COL5A2: variants seen among roughly 807,000 people sequenced by gnomAD.
The protein encoded by COL5A2 is collagen alpha-2(V) chain.
A neutral mutation model predicts 208.2 loss-of-function variants in COL5A2; 23 were observed. The observed-to-expected ratio is 0.11, with a 90% CI of 0.08 to 0.16. The LOEUF is 0.16. COL5A2 is among the 10% of genes least tolerant of loss of function. COL5A2 has a pLI of 1.00. For missense variants in COL5A2, 1,590 were observed against 1,956.4 expected (o/e 0.81, Z 3.53); for synonymous variants, 625 against 628.5 (o/e 0.99, Z 0.08).
chr2:189,296,076 C>T, the COL5A2 span, among the ~76,000 whole-genome samples: 1 of 152,014 alleles, frequency 6.6e-6, no homozygotes, highest in Non-Finnish European at 1.5e-5. Context: ...TCTTCTGAGC[C>T]TCTAATTACA....
the COL5A2 span, among the ~76,000 whole-genome samples, chr2:189,308,384 A>G: frequency 1.4e-4 from 22 of 152,252 alleles, no homozygotes; most frequent in Admixed American, 3.9e-4. Context: ...CTAATATAGC[A>G]TCACATAACA....
At chr2:189,327,552 G>A in the COL5A2 span, among the ~76,000 whole-genome samples, 92 of 152,236 alleles carry the variant, frequency 6.0e-4, 4 homozygotes, top group South Asian at 0.018. Flanking sequence ...AGATATGTGC[G>A]AAATCAATGG....
the COL5A2 span, among the ~76,000 whole-genome samples, chr2:189,240,069 A>G: frequency 6.6e-6 from 1 of 152,200 alleles, no homozygotes; most frequent in Non-Finnish European, 1.5e-5. Flanking sequence ...ACCAAAAACC[A>G]AACAAGTCAA....
chr2:189,369,960 T>C, the COL5A2 span, among the ~76,000 whole-genome samples: 25 of 152,310 alleles, frequency 1.6e-4, no homozygotes, highest in African/African-American at 6.0e-4. Context: ...ATAAATTTAT[T>C]GGGCAGGTAA....
At chr2:189,289,240 G>C in the COL5A2 span, among the ~76,000 whole-genome samples, 1 of 151,456 alleles carries the variant, frequency 6.6e-6, no homozygotes. Context: ...TACTCAGGAG[G>C]CTGAGGCAGA....
the COL5A2 span, among the ~76,000 whole-genome samples, chr2:189,375,718 TA>T: frequency 2.6e-5 from 4 of 152,166 alleles, no homozygotes; most frequent in African/African-American, 9.7e-5. Flanking sequence ...TAATAAGAAA[TA>T]CAACTTAATA....
At chr2:189,097,207 T>C (rs1254526589) in intron 6 of COL5A2, 70 bp downstream of exon 6, 23 of 1,456,568 alleles carry the variant, frequency 1.6e-5, no homozygotes, top group African/African-American at 2.8e-5. Flanking sequence ...AGCTTCTTGC[T>C]GCATTCAGAG....
chr2:189,114,303 A>T (rs1687343776), intron 1 of COL5A2, among the ~76,000 whole-genome samples: 1 of 152,242 alleles, frequency 6.6e-6, no homozygotes, highest in Non-Finnish European at 1.5e-5. Context: ...AACAGTGGGT[A>T]GAAAATACAG....
chr2:189,033,261 GAA>G lies in COL5A2; in HGVS notation c.*807_*808del, dbSNP rs952212695. 1.3e-5 allele frequency: 2 copies of G among 152,496 alleles called. No individual in the cohort carries two copies. The highest frequency in any genetic ancestry group is 2.9e-5 in the Non-Finnish European group (2 of 68,004). The allele number at this position is 152,496 out of a possible 1,614,324, so 9.4% of individuals were successfully genotyped here. A position where few individuals can be genotyped will look rare whatever the true frequency, so the allele number is the denominator to read the frequency against. ...TTGCATTCAATATCTTCTTAAATAA[GAA>G]AGTGTAAATGTATTAAATGGTATAT... On this transcript the variant is annotated 3_prime_UTR_variant, in exon 54 of 54. Transcript: ENST00000374866.
the COL5A2 span, among the ~76,000 whole-genome samples, chr2:189,312,815 A>G: frequency 6.6e-6 from 1 of 152,034 alleles, no homozygotes; most frequent in African/African-American, 2.4e-5. Flanking sequence ...TAGGGACTAG[A>G]AAAGACTCTC....
intron 1 of COL5A2, among the ~76,000 whole-genome samples, chr2:189,210,407 A>G (rs1309916122): frequency 6.7e-6 from 1 of 149,148 alleles, no homozygotes; most frequent in Non-Finnish European, 1.5e-5. Context: ...TCACTTGATT[A>G]AAATATTTTA....
chr2:189,064,615 G>T lies in COL5A2; in HGVS notation c.1658C>A (p.Pro553His), dbSNP rs149203102. ...TCCTGGATCCCCCTGGCTTCCTTTG[G>T]GTCCTGAAGAACCTACAGGACCCCG... ...GERGPVGSSG[P>H]KGSQGDPGRP... The change falls in exon 25 of 54, where the codon CCC becomes CAC. Residue 553 changes from proline (P) to histidine (H), a missense_variant. By Grantham distance (77) the Pro-to-His change is moderately conservative. Transcript: ENST00000374866. The T allele has an allele frequency of 1.2e-6, 2 of 1,613,724 alleles. No homozygotes were observed. Among genetic ancestry groups the T allele is most frequent in the Non-Finnish European group, 1.7e-6 (2 of 1,179,954 alleles).
intron 51 of COL5A2, 126 bp from the exon 52 acceptor site, chr2:189,036,929 T>C (rs965111447): frequency 2.5e-6 from 2 of 793,058 alleles, no homozygotes; most frequent in African/African-American, 1.7e-5. Context: ...TAAGTGAGAG[T>C]GCCCCTTACG....
chr2:189,359,800 T>A, the COL5A2 span, among the ~76,000 whole-genome samples: 1 of 152,170 alleles, frequency 6.6e-6, no homozygotes, highest in African/African-American at 2.4e-5. Context: ...TCTTGGTAGG[T>A]TCTATATGTC....
chr2:189,111,489 A>G (rs1687260058), intron 1 of COL5A2, among the ~76,000 whole-genome samples: 1 of 151,798 alleles, frequency 6.6e-6, no homozygotes, highest in South Asian at 2.1e-4. Context: ...GCCCAGCACT[A>G]CCTCTCCTTC....
At chr2:189,374,788 T>A in the COL5A2 span, among the ~76,000 whole-genome samples, 1 of 152,194 alleles carries the variant, frequency 6.6e-6, no homozygotes, top group African/African-American at 2.4e-5. Context: ...ATTCTATGAA[T>A]GAACAAATAA....
rs376737765 is a variant in COL5A2 at position 189,088,525 on chromosome 2, T to C, written c.645+170A>G. 1.7e-4 allele frequency among the ~76,000 whole-genome samples: 26 copies of C among 150,770 alleles called. No individual in the cohort carries two copies. The South Asian group carries it at 5.1e-3, about 30-fold the overall frequency. Reference sequence around the variant, plus strand: ...ATTATGAATGAAACACACTGGGCTTTTAACTGGCATACAGTAGAGTAAATA... The same window carrying C: ...ATTATGAATGAAACACACTGGGCTTCTAACTGGCATACAGTAGAGTAAATA... On this transcript the variant is annotated intron_variant, in intron 8 of 53. Transcript: ENST00000374866.
chr2:189,373,744 C>T, the COL5A2 span, among the ~76,000 whole-genome samples: 89 of 152,182 alleles, frequency 5.8e-4, 4 homozygotes, highest in South Asian at 0.018. Flanking sequence ...GTATGAGAAA[C>T]TTAGATCCTA....
chr2:189,139,351 C>A (rs1438061215), intron 1 of COL5A2, among the ~76,000 whole-genome samples: 1 of 152,124 alleles, frequency 6.6e-6, no homozygotes, highest in Non-Finnish European at 1.5e-5. Flanking sequence ...GAGAATGGCA[C>A]TTTACCTCCT....
Sources: gnomAD v4.1 joint callset for allele counts (sites outside exome capture counted in the v4.1 genomes callset) on GRCh38, gnomAD v4.1.1 for gene constraint, MANE v1.5 for transcripts, NCBI Gene and HGNC (gene_info 2026-07-23, HGNC 2026-07-21) for gene names.